PPOX: variants seen among roughly 807,000 people sequenced by gnomAD.
PPOX encodes the protein protoporphyrinogen oxidase, also known as variegate porphyria.
In PPOX, 23 loss-of-function variants were observed where a neutral mutation model predicts 54.1. That is an observed-to-expected ratio of 0.43 (90% CI 0.31 to 0.60). The LOEUF (loss-of-function observed/expected upper bound fraction) is 0.60. PPOX is among the 20% of genes least tolerant of loss of function. The pLI is 0.13. For missense variants in PPOX, 512 were observed against 601.1 expected, an observed-to-expected ratio of 0.85 and a Z score of 1.55; for synonymous variants, 224 against 236.1, an observed-to-expected ratio of 0.95 and a Z score of 0.47.
At chr1:161,176,170 G>A (rs1663442222), downstream of PPOX, 5 of 1,368,628 alleles carry the variant, frequency 3.7e-6, no homozygotes, top group Non-Finnish European at 3.0e-6. Flanking sequence ...CAGGGGTAAA[G>A]AGGAAAAAGC....
Position 161,170,727 on chromosome 1 carries a change from A to C in PPOX, c.1206A>C (p.Gly402=), listed in dbSNP as rs112762537. The C allele has an allele frequency of 2.8e-4, 447 of 1,614,104 alleles. 3 individuals are homozygous for C. In the African/African-American group the frequency reaches 5.1e-3, roughly 18 times the overall value. Residue 402 remains glycine, a synonymous_variant, in exon 11 of 13, where the codon GGA becomes GGC. Coordinates refer to ENST00000367999, the MANE Select transcript of PPOX (RefSeq NM_001122764.3). ...RAQEAAATQL[G]LKEMPSHCLV... ...AGGAAGCAGCTGCTACACAATTAGG[A>C]CTGAAGGAGATGCCGAGCCACTGCT...
chr1:161,166,770 A>T, intron 1 of PPOX, 70 bp from the exon 2 acceptor site: 1 of 1,596,626 alleles, frequency 6.3e-7, no homozygotes, highest in South Asian at 1.1e-5. Flanking sequence ...GATAGAACTC[A>T]AAACCGGCGG....
At chr1:161,169,813 T>C in intron 8 of PPOX, 93 bp downstream of exon 8, 1 of 1,613,942 alleles carries the variant, frequency 6.2e-7, no homozygotes, top group Non-Finnish European at 8.5e-7. Flanking sequence ...ACCATGCCCC[T>C]GAACTGGTCA....
chr1:161,168,053 G>T lies in PPOX; in HGVS notation c.397G>T (p.Glu133Ter), dbSNP rs774663053. 6.2e-7 allele frequency: 1 copy of T among 1,614,100 alleles called. No homozygotes were observed. The highest frequency in any genetic ancestry group is 8.5e-7 in the Non-Finnish European group (1 of 1,180,016). Residue 133 changes from glutamate to a stop codon, truncating the protein, a stop_gained, in exon 5 of 13, where the codon GAG becomes TAG. Coordinates refer to ENST00000367999, the MANE Select transcript of PPOX (RefSeq NM_001122764.3). LOFTEE classifies it high-confidence loss of function. ...SKPLFWAGLRELTKPRGKEPD... is the reference protein window; with the variant it reads ...SKPLFWAGLR ...ACCTCTGTTTTGGGCTGGGCTGAGG[G>T]AGCTGACCAAGCCCCGGGGCAAAGA... is the stretch of plus-strand genomic sequence containing the variant.
At chr1:161,169,788 G>A in intron 8 of PPOX, 68 bp downstream of exon 8, 1 of 1,612,602 alleles carries the variant, frequency 6.2e-7, no homozygotes, top group Non-Finnish European at 8.5e-7. Flanking sequence ...TACCTTCCTG[G>A]GTCAGCAGGA....
chr1:161,175,983 C>T, downstream of PPOX: 10 of 1,614,088 alleles, frequency 6.2e-6, no homozygotes, highest in Non-Finnish European at 8.5e-6. Context: ...CCCCCAGTGA[C>T]AGGTACATCA....
At position 161,170,321 on chromosome 1, in the gene PPOX, TC is replaced by T. The variant is rs1386920782; in HGVS notation, c.988-81del. ...GCCTGGGTGACAGAGTGAGACTCTGTCCCCCCCACCCCCCCAAAAAAATGGG... is the reference window on the plus strand; with the variant it reads ...GCCTGGGTGACAGAGTGAGACTCTGTCCCCCCACCCCCCCAAAAAAATGGG... On this transcript the variant is annotated intron_variant, in intron 9 of 12. Transcript: ENST00000367999. The T allele has an allele frequency of 2.2e-4, 80 of 371,004 alleles. 1 individual carries two copies. The highest frequency in any genetic ancestry group is 3.2e-4 in the Non-Finnish European group (60 of 188,196). The allele number at this position is 371,004 out of a possible 1,614,324, so 23.0% of individuals were successfully genotyped here.
downstream of PPOX, chr1:161,173,530 C>A (rs908011276): frequency 5.6e-6 from 9 of 1,603,196 alleles, no homozygotes; most frequent in South Asian, 1.1e-5. Context: ...TGTTGAAGGG[C>A]TATGGTCAAA....
Position 161,166,944 on chromosome 1 carries a change from C to T in PPOX, c.87+10C>T, listed in dbSNP as rs769695111. On this transcript the variant is annotated intron_variant, in intron 2 of 12. Coordinates refer to ENST00000367999, the MANE Select transcript of PPOX (RefSeq NM_001122764.3). Reference sequence around the variant, plus strand: ...CCCCTGCCCCCCTAAGGTGAGTGCTCCACTTGTGCCAGAGGGAGCTTCATT... The same window carrying T: ...CCCCTGCCCCCCTAAGGTGAGTGCTTCACTTGTGCCAGAGGGAGCTTCATT... The T allele has an allele frequency of 6.2e-6, 10 of 1,613,602 alleles. No individual in the cohort carries two copies. In the Admixed American group the frequency reaches 1.2e-4, roughly 19 times the overall value.
chr1:161,175,969 AAGCCCCCC>A, downstream of PPOX: 1 of 1,614,106 alleles, frequency 6.2e-7, no homozygotes, highest in African/African-American at 1.3e-5. Flanking sequence ...GAGACTTCGG[AAGCCCCCC>A]AGTGACAGGT....
intron 9 of PPOX, 186 bp from the exon 10 acceptor site, chr1:161,170,223 G>A (rs1157770904): frequency 2.4e-6 from 2 of 843,628 alleles, no homozygotes; most frequent in Middle Eastern, 3.4e-4. Flanking sequence ...TACTCGGGAG[G>A]CTAAGGCAGG....
Position 161,168,066 on chromosome 1 carries a change from C to T in PPOX, c.410C>T (p.Pro137Leu), listed in dbSNP as rs1659760920. ...GCTGGGCTGAGGGAGCTGACCAAGCCCCGGGGCAAAGAGCCTGATGAGACT... is the reference window on the plus strand; with the variant it reads ...GCTGGGCTGAGGGAGCTGACCAAGCTCCGGGGCAAAGAGCCTGATGAGACT... ...FWAGLRELTK[P>L]RGKEPDETVH... Residue 137 changes from proline to leucine, a missense_variant, in exon 5 of 13, where the codon CCC (proline) becomes CTC (leucine). Coordinates refer to ENST00000367999, the MANE Select transcript of PPOX (RefSeq NM_001122764.3). 6.2e-7 allele frequency: 1 copy of T among 1,614,142 alleles called. No homozygotes were observed.
chr1:161,177,083 C>G, downstream of PPOX: 5 of 1,469,080 alleles, frequency 3.4e-6, no homozygotes, highest in Non-Finnish European at 4.6e-6. Context: ...CCTCTTCTAG[C>G]GGGGGTGGGG....
intron 4 of PPOX, chr1:161,176,754 C>G (rs1663687084): frequency 2.1e-6 from 2 of 969,402 alleles, no homozygotes; most frequent in Non-Finnish European, 3.1e-6. Context: ...TGATAAGTGT[C>G]AGGTTCATAC....
chr1:161,175,685 C>T, downstream of PPOX: 2 of 1,417,560 alleles, frequency 1.4e-6, no homozygotes, highest in Non-Finnish European at 1.9e-6. Flanking sequence ...AGCCTACCTG[C>T]AGCCTCAGCC....
downstream of PPOX, chr1:161,177,093 G>A: frequency 2.0e-6 from 3 of 1,530,132 alleles, no homozygotes; most frequent in South Asian, 1.2e-5. Flanking sequence ...CGGGGGTGGG[G>A]AGGAGGGTTA....
chr1:161,167,674 CCT>C, intron 4 of PPOX, 188 bp downstream of exon 4: 1 of 838,438 alleles, frequency 1.2e-6, no homozygotes, highest in Non-Finnish European at 1.8e-6. Context: ...AAGCGATTCT[CCT>C]GCCTCAGCCT....
upstream of PPOX, chr1:161,166,388 G>A (rs1658891060): frequency 9.4e-7 from 1 of 1,063,158 alleles, no homozygotes; most frequent in African/African-American, 1.7e-5. Context: ...TCCAGATGTA[G>A]GAGAGGTAGG....
At chr1:161,177,282 C>T, downstream of PPOX, 1 of 580,714 alleles carries the variant, frequency 1.7e-6, no homozygotes, top group Non-Finnish European at 3.1e-6. Flanking sequence ...CGTGAGCCCG[C>T]CCGGCCCCCG....
Sources: gnomAD v4.1 joint callset for allele counts on GRCh38, gnomAD v4.1.1 for gene constraint, MANE v1.5 for transcripts, NCBI Gene and HGNC (gene_info 2026-07-23, HGNC 2026-07-21) for gene names.